TTC8: variants seen among roughly 807,000 people sequenced by gnomAD.
TTC8 encodes the protein tetratricopeptide repeat protein 8.
A neutral mutation model predicts 72.5 loss-of-function variants in TTC8; 47 were observed. That is an observed-to-expected ratio of 0.65 (90% confidence interval 0.51 to 0.83). The LOEUF (loss-of-function observed/expected upper bound fraction) is 0.83. Ranked by LOEUF, TTC8 falls within the 40% of genes least tolerant of loss-of-function variation. The pLI is 0.00. For synonymous variants in TTC8, 199 were observed against 221.4 expected (o/e 0.90, Z 0.90); for missense variants, 611 against 623.2 (o/e 0.98, Z 0.21).
chr14:88,854,494 G>T (rs1251864763), intron 8 of TTC8, among the ~76,000 whole-genome samples: 1 of 152,168 alleles, frequency 6.6e-6, no homozygotes, highest in Non-Finnish European at 1.5e-5. Context: ...GAGGAGAGAG[G>T]ACAGTAAATA....
At chr14:88,873,256 C>T (rs890095059) in intron 13 of TTC8, among the ~76,000 whole-genome samples, 4 of 152,188 alleles carry the variant, frequency 2.6e-5, no homozygotes, top group African/African-American at 9.7e-5. Flanking sequence ...ACAGACAGTG[C>T]TCTGTCTTCC....
intron 9 of TTC8, among the ~76,000 whole-genome samples, chr14:88,859,890 A>ATCTATAATATAAATATATTATATAT (rs2094877224): frequency 7.3e-6 from 1 of 137,332 alleles, no homozygotes; most frequent in African/African-American, 3.0e-5. Flanking sequence ...ATATTATATA[A>ATCTATAATATAAATATATTATATAT]TATATAATAT....
At chr14:88,839,707 G>GA (rs2094771048) in intron 3 of TTC8, 135 bp downstream of exon 3, 1 of 1,061,876 alleles carries the variant, frequency 9.4e-7, no homozygotes, top group Non-Finnish European at 1.3e-6. Flanking sequence ...CAAAAATGAT[G>GA]AAAAAACCAT....
In TTC8 at chr14:88,852,977, G is replaced by T. The variant is rs377540438; in HGVS notation, c.631G>T (p.Asp211Tyr). The T allele has an allele frequency of 5.6e-6, 9 of 1,613,056 alleles. No homozygotes were observed. Among genetic ancestry groups the T allele is most frequent in the Non-Finnish European group, 7.6e-6 (9 of 1,179,378 alleles). ...AAATGAATTGTTTTCAAAGGCTTTGGATCTGGCTGCCCTCTCCACAGAACA... is the reference window on the plus strand; with the variant it reads ...AAATGAATTGTTTTCAAAGGCTTTGTATCTGGCTGCCCTCTCCACAGAACA... ...HHENDVKTAL[D>Y]LAALSTEHSQ... is the part of the protein sequence containing the mutation. Residue 211 changes from aspartate to tyrosine, a missense_variant, in exon 8 of 15, where the codon GAT (aspartate) becomes TAT (tyrosine). By Grantham distance (160) the Asp-to-Tyr change is radical. Coordinates refer to ENST00000380656, the MANE Select transcript of TTC8 (RefSeq NM_144596.4).
chr14:88,833,105 T>C (rs567462649), intron 1 of TTC8, among the ~76,000 whole-genome samples: 70 of 152,362 alleles, frequency 4.6e-4, no homozygotes, highest in African/African-American at 1.6e-3. Flanking sequence ...CCTTTTTCTG[T>C]TTCTTAGTAC....
chr14:88,876,287 A>G (rs913975227), intron 14 of TTC8, among the ~76,000 whole-genome samples: 33 of 152,204 alleles, frequency 2.2e-4, no homozygotes, highest in Admixed American at 7.9e-4. Flanking sequence ...CATAACAGAA[A>G]GCAGTATATT....
intron 2 of TTC8, 174 bp downstream of exon 2, chr14:88,833,896 AC>A: frequency 1.5e-6 from 1 of 649,790 alleles, no homozygotes; most frequent in Non-Finnish European, 2.7e-6. Context: ...TATTTTCAAT[AC>A]TTTTGTGTAT....
In TTC8 at chr14:88,861,335, A is replaced by G. The variant is rs1331009945; in HGVS notation, c.909+3A>G. 1 of 1,566,526 alleles carries G rather than the reference A, an allele frequency of 6.4e-7. No homozygotes were observed. Among genetic ancestry groups the G allele is most frequent in the Non-Finnish European group, 8.8e-7 (1 of 1,138,688 alleles). Reference sequence around the variant, plus strand: ...GTGGAATTGCAAGAATCTATGAGGTAATTCATGTTATTATTATTATTATTT... The same window carrying G: ...GTGGAATTGCAAGAATCTATGAGGTGATTCATGTTATTATTATTATTATTT... On this transcript the variant is annotated splice_donor_region_variant and intron_variant, in intron 10 of 14. Transcript: ENST00000380656.
chr14:88,867,824 T>C (rs1252181042), intron 10 of TTC8, among the ~76,000 whole-genome samples: 2 of 152,228 alleles, frequency 1.3e-5, no homozygotes. Flanking sequence ...TTCTTTGCAT[T>C]GGGCGTTGCC....
chr14:88,851,650 G>A (rs1043806791), intron 7 of TTC8, among the ~76,000 whole-genome samples: 1 of 151,852 alleles, frequency 6.6e-6, no homozygotes, highest in African/African-American at 2.4e-5. Flanking sequence ...GCTAATTGTA[G>A]TTATACTTTT....
chr14:88,839,421 AAT>A, intron 2 of TTC8, 29 bp from the exon 3 acceptor site: 3 of 1,608,944 alleles, frequency 1.9e-6, no homozygotes, highest in Non-Finnish European at 2.5e-6. Flanking sequence ...ATGCTATTTT[AAT>A]ATATGTTTTA....
At chr14:88,858,922 A>G (rs1211908110) in intron 9 of TTC8, among the ~76,000 whole-genome samples, 2 of 151,986 alleles carry the variant, frequency 1.3e-5, no homozygotes, top group Non-Finnish European at 2.9e-5. Flanking sequence ...GTCTTAAAGA[A>G]GTTTCTGTGC....
chr14:88,857,827 A>G (rs1261970614), intron 9 of TTC8, among the ~76,000 whole-genome samples: 1 of 152,198 alleles, frequency 6.6e-6, no homozygotes, highest in Non-Finnish European at 1.5e-5. Flanking sequence ...AAAGAGGGGT[A>G]AGTTTTTCAG....
intron 13 of TTC8, among the ~76,000 whole-genome samples, chr14:88,873,618 A>G (rs1195726985): frequency 1.3e-5 from 2 of 152,216 alleles, no homozygotes; most frequent in Non-Finnish European, 2.9e-5. Context: ...AGAGTGTAAC[A>G]GTAGTGATTT....
At chr14:88,848,105 A>G (rs1045794135) in intron 7 of TTC8, among the ~76,000 whole-genome samples, 4 of 145,444 alleles carry the variant, frequency 2.8e-5, no homozygotes, top group Admixed American at 1.4e-4. Flanking sequence ...CCTGGGCGAC[A>G]AGAGCGAAAC....
chr14:88,871,491 G>A lies in TTC8; in HGVS notation c.1050-58G>A. 4 of 1,412,904 alleles carry A rather than the reference G, an allele frequency of 2.8e-6. No homozygotes were observed. The highest frequency in any genetic ancestry group is 3.9e-6 in the Non-Finnish European group (4 of 1,017,294). The allele number at this position is 1,412,904 out of a possible 1,614,324, so 87.5% of individuals were successfully genotyped here. ...AACTGTGTAAAATATATATATATAT[G>A]TCTTAAAACTTACAAAGTTGGTCTG... On this transcript the variant is annotated intron_variant, in intron 11 of 14. Coordinates refer to ENST00000380656, the MANE Select transcript of TTC8 (RefSeq NM_144596.4). This position sits in a 1 kb window ranked among gnomAD's most constrained non-coding sequence, Gnocchi z 4.1.
chr14:88,878,076 A>T (rs941297011), downstream of TTC8: 1 of 152,138 alleles, frequency 6.6e-6, no homozygotes, highest in Non-Finnish European at 1.5e-5. Flanking sequence ...AGAAATCATC[A>T]TTATTTTAAT....
chr14:88,834,507 G>A (rs1014837508), intron 2 of TTC8, among the ~76,000 whole-genome samples: 1 of 151,994 alleles, frequency 6.6e-6, no homozygotes, highest in Non-Finnish European at 1.5e-5. Context: ...CCTTATTAGG[G>A]GTCCATATGT....
rs9944071 is a variant in TTC8, at chr14:88,845,145, G to A, written c.624+1295G>A. 3.6e-3 allele frequency among the ~76,000 whole-genome samples: 555 copies of A among 152,268 alleles called. 3 individuals carry two copies. The highest frequency in any genetic ancestry group is 0.012 in the African/African-American group (507 of 41,546). On this transcript the variant is annotated intron_variant, in intron 7 of 14. Transcript: ENST00000380656. ...CAAAAACAAGAAAGAGATATGGAATGATCACTAAATCGTCCTTATCCTAGA... is the reference window on the plus strand; with the variant it reads ...CAAAAACAAGAAAGAGATATGGAATAATCACTAAATCGTCCTTATCCTAGA...
Sources: gnomAD v4.1 joint callset for allele counts (sites outside exome capture counted in the v4.1 genomes callset) on GRCh38, gnomAD v4.1.1 for gene constraint, Gnocchi (gnomAD v3.1) non-coding constraint, MANE v1.5 for transcripts, NCBI Gene and HGNC (gene_info 2026-07-23, HGNC 2026-07-21) for gene names.